Variants in MAP3K13 observed in about 807,000 individuals in gnomAD.
MAP3K13 encodes the protein mitogen-activated protein kinase kinase kinase 13.
In MAP3K13, 52 loss-of-function variants were observed where a neutral mutation model predicts 104.0. The observed-to-expected ratio is 0.50, with a 90% CI of 0.40 to 0.63. MAP3K13 has a LOEUF of 0.63. MAP3K13 is among the 20% of genes least tolerant of loss of function. The pLI, the probability that MAP3K13 is intolerant of heterozygous loss-of-function variation, is 0.00. For missense variants in MAP3K13, 914 were observed against 1,218.5 expected, an observed-to-expected ratio of 0.75 and a Z score of 3.72; for synonymous variants, 394 against 442.2, an observed-to-expected ratio of 0.89 and a Z score of 1.37.
At chr3:185,422,633 C>T (rs574031046) in intron 1 of MAP3K13, among the ~76,000 whole-genome samples, 12 of 152,192 alleles carry the variant, frequency 7.9e-5, no homozygotes, top group East Asian at 7.7e-4. Context: ...TAGAAATTTA[C>T]GAGGAATTAA....
chr3:185,307,944 T>C (rs1366633268), intron 2 of MAP3K13, among the ~76,000 whole-genome samples: 2 of 151,884 alleles, frequency 1.3e-5, no homozygotes, highest in Non-Finnish European at 2.9e-5. Flanking sequence ...GTGCATTGAG[T>C]TTCTTTAAGA....
At chr3:185,308,225 G>A (rs1165738352) in intron 2 of MAP3K13, among the ~76,000 whole-genome samples, 1 of 151,766 alleles carries the variant, frequency 6.6e-6, no homozygotes, top group Non-Finnish European at 1.5e-5. Context: ...CCTTTAATGG[G>A]GTTGTATCTC....
At chr3:185,298,937 T>A (rs1325828806) in intron 2 of MAP3K13, among the ~76,000 whole-genome samples, 5 of 152,216 alleles carry the variant, frequency 3.3e-5, no homozygotes, top group Non-Finnish European at 1.5e-5. Flanking sequence ...GCAGTCTTTT[T>A]TGAAAGTTTA....
At chr3:185,343,146 T>A (rs1398118283) in intron 2 of MAP3K13, among the ~76,000 whole-genome samples, 1 of 152,160 alleles carries the variant, frequency 6.6e-6, no homozygotes, top group East Asian at 1.9e-4. Flanking sequence ...ATATAGCATA[T>A]TCACATATTA....
chr3:185,436,823 T>G (rs1472496566), intron 2 of MAP3K13, among the ~76,000 whole-genome samples: 1 of 151,596 alleles, frequency 6.6e-6, no homozygotes, highest in African/African-American at 2.4e-5. Context: ...ACCAACATGG[T>G]GAAACCCTGC....
intron 12 of MAP3K13, among the ~76,000 whole-genome samples, 162 bp downstream of exon 12, chr3:185,477,558 G>T (rs1311309117): frequency 6.6e-6 from 1 of 152,212 alleles, no homozygotes; most frequent in African/African-American, 2.4e-5. Flanking sequence ...CATTTTGGCA[G>T]TTGTTCGTGC....
intron 1 of MAP3K13, among the ~76,000 whole-genome samples, chr3:185,407,099 C>G (rs1713156455): frequency 1.3e-5 from 2 of 152,186 alleles, no homozygotes; most frequent in African/African-American, 2.4e-5. Context: ...GAAGGACACT[C>G]TAAGTTGATT....
At chr3:185,285,641 G>C (rs1720481332) in exon 2 of MAP3K13, 2 of 1,534,792 alleles carry the variant, frequency 1.3e-6, no homozygotes, top group Non-Finnish European at 1.7e-6. Context: ...CACTCTGGGA[G>C]AGGTAAGTAG....
chr3:185,350,985 TA>T (rs1475836328), intron 2 of MAP3K13, among the ~76,000 whole-genome samples: 7 of 152,074 alleles, frequency 4.6e-5, no homozygotes, highest in Admixed American at 3.3e-4. Flanking sequence ...GTAGACTAGA[TA>T]AAGAAAATGT....
rs1017381499 is a variant in MAP3K13, at chr3:185,488,445, G to A, written c.*5989G>A. 1.3e-5 allele frequency: 2 copies of A among 152,222 alleles called. No homozygotes were observed. The highest frequency in any genetic ancestry group is 4.8e-5 in the African/African-American group (2 of 41,454). The allele number at this position is 152,222 out of a possible 1,614,324, so 9.4% of individuals were successfully genotyped here. A position where few individuals can be genotyped will look rare whatever the true frequency, so the allele number is the denominator to read the frequency against. ...GCAGAGGACCCTTGTGGAACCTGGA[G>A]CATTTCTCAGGGACAGGTGGCTAAA... On this transcript the variant is annotated 3_prime_UTR_variant, in exon 14 of 14. Transcript: ENST00000265026.
At chr3:185,332,858 G>T (rs1722335343) in intron 2 of MAP3K13, among the ~76,000 whole-genome samples, 2 of 152,200 alleles carry the variant, frequency 1.3e-5, no homozygotes, top group South Asian at 4.1e-4. Context: ...ACATGGATGT[G>T]CAGATATCTC....
At chr3:185,353,510 T>G (rs901852466) in intron 2 of MAP3K13, among the ~76,000 whole-genome samples, 3 of 152,228 alleles carry the variant, frequency 2.0e-5, no homozygotes, top group Non-Finnish European at 4.4e-5. Flanking sequence ...CCTCTACTTG[T>G]TACAGTTTAC....
At chr3:185,292,303 T>TAA (rs754183268) in intron 2 of MAP3K13, 8 of 135,684 alleles carry the variant, frequency 5.9e-5, no homozygotes, top group Non-Finnish European at 4.8e-5. Context: ...AGACTCCGTC[T>TAA]AAAAAAAAAA....
intron 3 of MAP3K13, among the ~76,000 whole-genome samples, chr3:185,442,800 T>C (rs1715397833): frequency 6.6e-6 from 1 of 152,018 alleles, no homozygotes; most frequent in South Asian, 2.1e-4. Context: ...CCCAAAGTGT[T>C]GGGATTACAA....
Position 185,386,559 on chromosome 3 carries a change from C to G in MAP3K13, c.-86+23191C>G, listed in dbSNP as rs536578834. Among the ~76,000 whole-genome samples, 61 of 152,196 alleles carry G rather than the reference C, an allele frequency of 4.0e-4. 1 individual carries two copies. The highest frequency in any genetic ancestry group is 7.9e-4 in the Admixed American group (12 of 15,286). ...GCAATCCTATTACTGGGTATATACC[C>G]AAAGGAATATAAATCACTCTACTCT... On this transcript the variant is annotated intron_variant, in intron 1 of 13. Coordinates refer to ENST00000265026, the MANE Select transcript of MAP3K13 (RefSeq NM_004721.5).
At chr3:185,445,776 T>C (rs1333440007) in intron 4 of MAP3K13, among the ~76,000 whole-genome samples, 1 of 152,222 alleles carries the variant, frequency 6.6e-6, no homozygotes, top group African/African-American at 2.4e-5. Flanking sequence ...ACCACAACTT[T>C]GTCTCAGAGA....
At chr3:185,404,791 G>A (rs928442562) in intron 1 of MAP3K13, among the ~76,000 whole-genome samples, 4 of 152,118 alleles carry the variant, frequency 2.6e-5, no homozygotes, top group Non-Finnish European at 5.9e-5. Context: ...TGGCCAGGCT[G>A]GTCTCAAACT....
intron 1 of MAP3K13, among the ~76,000 whole-genome samples, chr3:185,401,402 A>G (rs1194553759): frequency 2.0e-5 from 3 of 151,988 alleles, no homozygotes; most frequent in Non-Finnish European, 2.9e-5. Flanking sequence ...CTGCTGGGAC[A>G]GGTCCCCTCC....
chr3:185,334,603 C>CTTTTTTTTTTT (rs67702394), intron 2 of MAP3K13, among the ~76,000 whole-genome samples: 1 of 144,924 alleles, frequency 6.9e-6, no homozygotes, highest in African/African-American at 2.5e-5. Flanking sequence ...AATGGATTTT[C>CTTTTTTTTTTT]TTTTTTTTTT....
Sources: gnomAD v4.1 joint callset for allele counts (sites outside exome capture counted in the v4.1 genomes callset) on GRCh38, gnomAD v4.1.1 for gene constraint, MANE v1.5 for transcripts, NCBI Gene and HGNC (gene_info 2026-07-23, HGNC 2026-07-21) for gene names.